Variants in PLCB4 observed in about 807,000 individuals in gnomAD.
The protein encoded by PLCB4 is 1-phosphatidylinositol 4,5-bisphosphate phosphodiesterase beta-4.
In PLCB4, 77 loss-of-function variants were observed where a neutral mutation model predicts 178.8. The observed-to-expected ratio is 0.43, with a 90% confidence interval of 0.36 to 0.52. The LOEUF is 0.52. Ranked by LOEUF, PLCB4 falls within the 20% of genes least tolerant of loss-of-function variation. The probability of loss-of-function intolerance (pLI) is 0.00; values close to 1 mark genes in which losing one functional copy is unlikely to be tolerated. For synonymous variants in PLCB4, 496 were observed against 490.8 expected (o/e 1.01, Z -0.14); for missense variants, 1,024 against 1,453.4 (o/e 0.70, Z 4.80).
intron 3 of PLCB4, among the ~76,000 whole-genome samples, chr20:9,226,623 T>C (rs1215980670): frequency 6.6e-6 from 1 of 152,216 alleles, no homozygotes; most frequent in African/African-American, 2.4e-5. Context: ...ATACTGAGAA[T>C]CTTCGTCCCC....
chr20:9,206,299 C>CTTTCTTTT (rs2093612916), intron 2 of PLCB4, among the ~76,000 whole-genome samples: 1 of 96,128 alleles, frequency 1.0e-5, no homozygotes, highest in African/African-American at 3.9e-5. Flanking sequence ...TTTCTTTTTT[C>CTTTCTTTT]TTTTTTTTTT....
intron 2 of PLCB4, among the ~76,000 whole-genome samples, chr20:9,119,289 A>G (rs1240683693): frequency 6.6e-6 from 1 of 152,186 alleles, no homozygotes; most frequent in Non-Finnish European, 1.5e-5. Context: ...TGGACTTCCA[A>G]TGTGGACTTT....
intron 3 of PLCB4, among the ~76,000 whole-genome samples, chr20:9,298,981 A>G (rs748067699): frequency 6.6e-6 from 1 of 152,066 alleles, no homozygotes; most frequent in Non-Finnish European, 1.5e-5. Context: ...TAATTCCAGT[A>G]CCATCACAAT....
chr20:9,161,508 G>T (rs941660220), intron 2 of PLCB4, among the ~76,000 whole-genome samples: 1 of 152,194 alleles, frequency 6.6e-6, no homozygotes, highest in African/African-American at 2.4e-5. Context: ...GTGCTGTCTG[G>T]CTGATTTTAC....
intron 7 of PLCB4, among the ~76,000 whole-genome samples, chr20:9,341,025 C>T (rs2033130192): frequency 1.3e-5 from 2 of 152,080 alleles, no homozygotes; most frequent in African/African-American, 4.8e-5. Flanking sequence ...ACTCTGAGAC[C>T]ACACAGCAAG....
intron 3 of PLCB4, among the ~76,000 whole-genome samples, chr20:9,250,598 A>G (rs984977366): frequency 2.6e-5 from 4 of 152,204 alleles, no homozygotes; most frequent in African/African-American, 7.2e-5. Context: ...TATTCTTACC[A>G]TAGTTCTGTA....
chr20:9,103,674 G>A (rs532340086), intron 2 of PLCB4, among the ~76,000 whole-genome samples: 40 of 152,168 alleles, frequency 2.6e-4, no homozygotes, highest in Non-Finnish European at 4.6e-4. Flanking sequence ...ATTGGTCTAC[G>A]TTAAATCCCC....
At chr20:9,100,519 G>T (rs2091103524) in intron 2 of PLCB4, among the ~76,000 whole-genome samples, 1 of 152,098 alleles carries the variant, frequency 6.6e-6, no homozygotes, top group African/African-American at 2.4e-5. Context: ...GTAACACAAG[G>T]AAGATATGCT....
intron 2 of PLCB4, among the ~76,000 whole-genome samples, chr20:9,109,405 T>C (rs1052055760): frequency 1.3e-5 from 2 of 152,192 alleles, no homozygotes; most frequent in Admixed American, 1.3e-4. Flanking sequence ...TCTCACAATT[T>C]TCACTGGTAG....
At chr20:9,417,793 G>C (rs2040355642) in intron 25 of PLCB4, among the ~76,000 whole-genome samples, 1 of 152,124 alleles carries the variant, frequency 6.6e-6, no homozygotes, top group South Asian at 2.1e-4. Context: ...CTTTCTAAGT[G>C]AATGCATCAT....
intron 2 of PLCB4, among the ~76,000 whole-genome samples, chr20:9,115,897 G>A (rs2091763045): frequency 6.6e-6 from 1 of 151,600 alleles, no homozygotes; most frequent in South Asian, 2.1e-4. Context: ...TTTCAAATTT[G>A]TAATATGCTT....
chr20:9,238,182 T>C (rs1329342055), intron 3 of PLCB4, among the ~76,000 whole-genome samples: 2 of 152,148 alleles, frequency 1.3e-5, no homozygotes, highest in African/African-American at 4.8e-5. Context: ...GGTATGGCTG[T>C]TGTAGGAAGA....
At chr20:9,324,103 A>G (rs533071306) in intron 4 of PLCB4, among the ~76,000 whole-genome samples, 1 of 151,638 alleles carries the variant, frequency 6.6e-6, no homozygotes, top group South Asian at 2.1e-4. Flanking sequence ...TAAGCCCAGG[A>G]GTTAGAGGTT....
intron 2 of PLCB4, among the ~76,000 whole-genome samples, chr20:9,103,694 C>T (rs899233622): frequency 2.0e-5 from 3 of 152,250 alleles, no homozygotes; most frequent in African/African-American, 7.2e-5. Flanking sequence ...CGAAGGTTGT[C>T]TTTAGAGTAT....
chr20:9,268,302 G>A (rs531185596), intron 3 of PLCB4, among the ~76,000 whole-genome samples: 60 of 152,168 alleles, frequency 3.9e-4, no homozygotes, highest in African/African-American at 1.3e-3. Flanking sequence ...GATCATACTT[G>A]GTTTCTTTCT....
chr20:9,414,699 G>A (rs553497578), intron 25 of PLCB4, among the ~76,000 whole-genome samples: 58 of 152,268 alleles, frequency 3.8e-4, no homozygotes, highest in African/African-American at 1.3e-3. Context: ...GCACCACTGG[G>A]CCCAATAAGT....
chr20:9,221,355 G>A (rs761660507), intron 3 of PLCB4, among the ~76,000 whole-genome samples: 6 of 152,216 alleles, frequency 3.9e-5, no homozygotes, highest in Non-Finnish European at 8.8e-5. Flanking sequence ...TCATCTGCAT[G>A]TGAAGCAGCT....
rs550104113 is a variant in PLCB4 at position 9,465,515 on chromosome 20, G to A, written c.3249-3056G>A. Among the ~76,000 whole-genome samples the A allele has an allele frequency of 1.1e-4, 17 of 152,282 alleles. No individual in the cohort carries two copies. The South Asian group carries it at 3.3e-3, about 30-fold the overall frequency. ...AATTGTCCCTGTTTGCACATCACAT[G>A]ATAGTATATTTAGAAAACCCCTTCA... is the stretch of plus-strand genomic sequence containing the variant. On this transcript the variant is annotated intron_variant, in intron 35 of 39. Coordinates refer to ENST00000378473, the MANE Select transcript of PLCB4 (RefSeq NM_001377142.1).
chr20:9,418,683 T>C (rs912468531), intron 25 of PLCB4, among the ~76,000 whole-genome samples: 1 of 152,150 alleles, frequency 6.6e-6, no homozygotes, highest in African/African-American at 2.4e-5. Context: ...ATTTTAGGAT[T>C]AGCTTGTCAG....
Sources: gnomAD v4.1 joint callset for allele counts (sites outside exome capture counted in the v4.1 genomes callset) on GRCh38, gnomAD v4.1.1 for gene constraint, MANE v1.5 for transcripts, NCBI Gene and HGNC (gene_info 2026-07-23, HGNC 2026-07-21) for gene names.